Variants in RCN1 observed in about 807,000 individuals in gnomAD.
The protein encoded by RCN1 is reticulocalbin 1.
RCN1 carries 14 observed loss-of-function variants against 34.7 expected under a neutral mutation model. That is an observed-to-expected ratio of 0.40 (90% CI 0.27 to 0.63). The LOEUF (loss-of-function observed/expected upper bound fraction) is 0.63, where lower values mean the gene tolerates loss of function less well. Among genes scored for constraint, RCN1 ranks in the 30% least tolerant of loss-of-function variants. RCN1 has a pLI of 0.37. For missense variants in RCN1, 326 were observed against 425.1 expected (o/e 0.77, Z 2.05); for synonymous variants, 125 against 165.5 (o/e 0.76, Z 1.88).
chr11:32,101,987 C>G lies in RCN1; in HGVS notation c.689-1294C>G, dbSNP rs1852049044. On this transcript the variant is annotated intron_variant, in intron 4 of 5. Transcript: ENST00000054950. ...TTTGAGTGGCTTTGCCTAAAAGAAGCATCCCATTCTTTACAGTGAATAGGG... is the reference window on the plus strand; with the variant it reads ...TTTGAGTGGCTTTGCCTAAAAGAAGGATCCCATTCTTTACAGTGAATAGGG... 3 of 152,200 alleles carry G rather than the reference C, an allele frequency of 2.0e-5. No homozygotes were observed. The South Asian group carries it at 6.2e-4, about 32-fold the overall frequency. 9.4% of individuals were successfully genotyped at this position (152,200 alleles called of 1,614,324 possible).
chr11:32,103,303 G>A lies in RCN1; in HGVS notation c.711G>A (p.Glu237=). 1.2e-6 allele frequency: 2 copies of A among 1,614,054 alleles called. No individual in the cohort carries two copies. Among genetic ancestry groups the A allele is most frequent in the Non-Finnish European group, 1.7e-6 (2 of 1,179,892 alleles). Residue 237 remains glutamate (E), a synonymous_variant, in exon 5 of 6, where the codon GAG becomes GAA. Coordinates refer to ENST00000054950, the MANE Select transcript of RCN1 (RefSeq NM_002901.4). ...TAGCGGATATGTTTTCCCATGAGGA[G>A]AATGGCCCTGAGCCAGACTGGGTTT... ...EYIADMFSHE[E]NGPEPDWVLS... is the part of the protein sequence containing the mutation.
intron 1 of RCN1, among the ~76,000 whole-genome samples, chr11:32,093,977 G>C (rs1033457072): frequency 1.3e-5 from 2 of 152,214 alleles, no homozygotes; most frequent in African/African-American, 2.4e-5. Context: ...GGGGAGAAGA[G>C]AGAGGTAGGA....
intron 1 of RCN1, among the ~76,000 whole-genome samples, chr11:32,095,963 G>A (rs1177685201): frequency 6.6e-6 from 1 of 152,156 alleles, no homozygotes; most frequent in Admixed American, 6.5e-5. Context: ...AGGAGGTGGA[G>A]ACATTGATTA....
At chr11:32,091,902 G>T in intron 1 of RCN1, 1 of 178,776 alleles carries the variant, frequency 5.6e-6, no homozygotes, top group Non-Finnish European at 1.2e-5. Flanking sequence ...TCTCAGGGAT[G>T]AACATAAATG....
At chr11:32,096,297 G>T (rs1208314791) in intron 1 of RCN1, among the ~76,000 whole-genome samples, 1 of 152,174 alleles carries the variant, frequency 6.6e-6, no homozygotes, top group African/African-American at 2.4e-5. Flanking sequence ...CCTGGTTTGG[G>T]ACCATCTGGT....
rs1434725945 is a variant in RCN1 at position 32,091,099 on chromosome 11, A to G, written c.-98A>G. 7.5e-7 allele frequency: 1 copy of G among 1,333,774 alleles called. No homozygotes were observed. Among genetic ancestry groups the G allele is most frequent in the Non-Finnish European group, 9.6e-7 (1 of 1,040,480 alleles). The allele number at this position is 1,333,774 out of a possible 1,614,324, so 82.6% of individuals were successfully genotyped here. Reference sequence around the variant, plus strand: ...AGTCCCCTCCTCCGCGCCGGCCCCAACCCTGTCGCTGCCGCCGCGCTCCGA... The same window carrying G: ...AGTCCCCTCCTCCGCGCCGGCCCCAGCCCTGTCGCTGCCGCCGCGCTCCGA... On this transcript the variant is annotated 5_prime_UTR_variant, in exon 1 of 6. Coordinates refer to ENST00000054950, the MANE Select transcript of RCN1 (RefSeq NM_002901.4).
Position 32,091,423 on chromosome 11 carries a change from C to T in RCN1, c.227C>T (p.Thr76Ile). 6.5e-7 allele frequency: 1 copy of T among 1,548,034 alleles called. No homozygotes were observed. The highest frequency in any genetic ancestry group is 8.7e-7 in the Non-Finnish European group (1 of 1,145,716). Residue 76 changes from threonine (T) to isoleucine (I), a missense_variant, in exon 1 of 6, where the codon ACC becomes ATC. Transcript: ENST00000054950. ...KEDSKTFDQL[T>I]PDESKERLGK... ...GACTCCAAGACCTTCGACCAGCTCA[C>T]CCCGGACGAGAGCAAGGAGAGGCTA...
chr11:32,098,561 G>T lies in RCN1; in HGVS notation c.627+33G>T. On this transcript the variant is annotated intron_variant, in intron 3 of 5. Transcript: ENST00000054950. ...AAGTGAAGAGTCTGGGCTGGGAAGA[G>T]ACCAGGGAGAAAACTGCCTCCAAAT... is the stretch of plus-strand genomic sequence containing the variant. 2.0e-6 allele frequency: 3 copies of T among 1,526,258 alleles called. No individual in the cohort carries two copies. In the South Asian group the frequency reaches 3.8e-5, roughly 19 times the overall value. 94.5% of individuals were successfully genotyped at this position (1,526,258 alleles called of 1,614,324 possible).
intron 4 of RCN1, among the ~76,000 whole-genome samples, chr11:32,101,009 C>A (rs556175320): frequency 4.6e-5 from 7 of 152,334 alleles, no homozygotes; most frequent in Non-Finnish European, 7.3e-5. Flanking sequence ...CCTAGAAACT[C>A]TGAGTAGATG....
chr11:32,091,702 G>A, intron 1 of RCN1: 1 of 496,460 alleles, frequency 2.0e-6, no homozygotes, highest in Non-Finnish European at 3.5e-6. Flanking sequence ...ACGTGGCAGC[G>A]GCCGCGGGAG....
chr11:32,091,169 C>A lies in RCN1; in HGVS notation c.-28C>A. 1 of 1,400,410 alleles carries A rather than the reference C, an allele frequency of 7.1e-7. No homozygotes were observed. The highest frequency in any genetic ancestry group is 1.6e-5 in the South Asian group (1 of 61,648). 86.7% of individuals were successfully genotyped at this position (1,400,410 alleles called of 1,614,324 possible). On this transcript the variant is annotated 5_prime_UTR_variant, in exon 1 of 6. Coordinates refer to ENST00000054950, the MANE Select transcript of RCN1 (RefSeq NM_002901.4). The stretch of plus-strand genomic sequence containing the variant: ...CGCTGTTGTCGCTCGCTCAGCGTCT[C>A]CCTCTCGGCCGCCCTCTCCTCGGGA...
Position 32,105,138 on chromosome 11 carries a change from T to C in RCN1, c.*666T>C, listed in dbSNP as rs867891532. 1 of 167,118 alleles carries C rather than the reference T, an allele frequency of 6.0e-6. No individual in the cohort carries two copies. Among genetic ancestry groups the C allele is most frequent in the Non-Finnish European group, 1.5e-5 (1 of 68,134 alleles). The allele number at this position is 167,118 out of a possible 1,614,324, so 10.4% of individuals were successfully genotyped here. On this transcript the variant is annotated 3_prime_UTR_variant, in exon 6 of 6. Coordinates refer to ENST00000054950, the MANE Select transcript of RCN1 (RefSeq NM_002901.4). ...AGATAATGTGAAAAAGAAAGGAATTTAGAGGTAGGGAAAAGATGAATGTCA... is the reference window on the plus strand; with the variant it reads ...AGATAATGTGAAAAAGAAAGGAATTCAGAGGTAGGGAAAAGATGAATGTCA...
intron 2 of RCN1, among the ~76,000 whole-genome samples, chr11:32,097,572 G>C (rs548749606): frequency 9.2e-5 from 14 of 152,296 alleles, no homozygotes; most frequent in Non-Finnish European, 2.1e-4. Context: ...AAATCCCTTA[G>C]ATTGAGACCC....
chr11:32,098,554 G>T, intron 3 of RCN1, 26 bp downstream of exon 3: 1 of 1,557,852 alleles, frequency 6.4e-7, no homozygotes, highest in Non-Finnish European at 8.7e-7. Flanking sequence ...AGTCTGGGCT[G>T]GGAAGAGACC....
chr11:32,100,696 C>T lies in RCN1; in HGVS notation c.688+88C>T, dbSNP rs929249415. The T allele has an allele frequency of 3.0e-6, 3 of 1,015,576 alleles. No homozygotes were observed. The African/African-American group carries it at 4.8e-5, about 16-fold the overall frequency. 62.9% of individuals were successfully genotyped at this position (1,015,576 alleles called of 1,614,324 possible). ...GTCTGGCTACTTTCCCCAGACGTCT[C>T]TTTTAGCAACAGCTGCAAGTCTATA... On this transcript the variant is annotated intron_variant, in intron 4 of 5. Transcript: ENST00000054950.
At chr11:32,095,237 T>C (rs1208082662) in intron 1 of RCN1, among the ~76,000 whole-genome samples, 2 of 132,584 alleles carry the variant, frequency 1.5e-5, no homozygotes, top group African/African-American at 5.7e-5. Context: ...TGAAGTTTCA[T>C]GTTTTAGTCT....
chr11:32,092,557 A>G (rs187810191), intron 1 of RCN1, among the ~76,000 whole-genome samples: 23 of 152,152 alleles, frequency 1.5e-4, no homozygotes, highest in Non-Finnish European at 1.5e-5. Flanking sequence ...AAGGCAGTTG[A>G]GTCAGGAACC....
At chr11:32,093,156 G>T (rs1851939521) in intron 1 of RCN1, among the ~76,000 whole-genome samples, 2 of 152,210 alleles carry the variant, frequency 1.3e-5, no homozygotes, top group South Asian at 4.1e-4. Context: ...ATAAGGTGTG[G>T]TCATGCAGCT....
chr11:32,091,771 C>A, intron 1 of RCN1: 1 of 385,006 alleles, frequency 2.6e-6, no homozygotes, highest in Non-Finnish European at 4.6e-6. Context: ...GGGGAGAGTG[C>A]ACAAAAGAAG....
Sources: gnomAD v4.1 joint callset for allele counts (sites outside exome capture counted in the v4.1 genomes callset) on GRCh38, gnomAD v4.1.1 for gene constraint, MANE v1.5 for transcripts, NCBI Gene and HGNC (gene_info 2026-07-23, HGNC 2026-07-21) for gene names.